The following SVIL variants were observed in gnomAD, a reference collection of about 807,000 sequenced individuals.
The protein encoded by SVIL is archvillin.
A neutral mutation model predicts 240.4 loss-of-function variants in SVIL; 101 were observed. That is an observed-to-expected ratio of 0.42 (90% CI 0.36 to 0.50). The LOEUF (loss-of-function observed/expected upper bound fraction) is 0.50. Among genes scored for constraint, SVIL ranks in the 20% least tolerant of loss-of-function variants. SVIL has a pLI of 0.01. For synonymous variants in SVIL, 999 were observed against 1,100.0 expected (o/e 0.91, Z 1.82); for missense variants, 2,512 against 2,818.7 (o/e 0.89, Z 2.46).
At chr10:29,729,117 T>G (rs7087872) in intron 1 of SVIL, among the ~76,000 whole-genome samples, 46,775 of 151,856 alleles carry the variant, frequency 0.31, 7,619 homozygotes, top group Middle Eastern at 0.48. Flanking sequence ...GAGGTCCCCC[T>G]CCCCAACTAA....
chr10:29,660,022 CA>C (rs1316091866), intron 2 of SVIL, among the ~76,000 whole-genome samples: 1 of 151,996 alleles, frequency 6.6e-6, no homozygotes, highest in Non-Finnish European at 1.5e-5. Flanking sequence ...GAAAACTACT[CA>C]AAAAGAAAAC....
chr10:29,581,283 C>T (rs2132764012), intron 1 of SVIL, among the ~76,000 whole-genome samples: 1 of 152,306 alleles, frequency 6.6e-6, no homozygotes, highest in African/African-American at 2.4e-5. Flanking sequence ...CTAGGGAAAG[C>T]CCACTTAGGC....
At chr10:29,731,087 A>G (rs1256843694) in intron 1 of SVIL, among the ~76,000 whole-genome samples, 1 of 152,230 alleles carries the variant, frequency 6.6e-6, no homozygotes, top group Non-Finnish European at 1.5e-5. Flanking sequence ...TGGCACATCA[A>G]CTTGCTACTC....
chr10:29,561,650 C>T (rs1954485771), intron 3 of SVIL, among the ~76,000 whole-genome samples: 1 of 151,928 alleles, frequency 6.6e-6, no homozygotes, highest in Non-Finnish European at 1.5e-5. Context: ...ATCTGACAGC[C>T]GTTCCATGCC....
chr10:29,663,554 C>T (rs1959181754), intron 2 of SVIL, among the ~76,000 whole-genome samples: 1 of 152,166 alleles, frequency 6.6e-6, no homozygotes, highest in South Asian at 2.1e-4. Context: ...CGGGGTTTCA[C>T]CATGTTGGCC....
At chr10:29,493,688 A>G (rs548449675) in intron 20 of SVIL, among the ~76,000 whole-genome samples, 69 of 152,020 alleles carry the variant, frequency 4.5e-4, no homozygotes, top group Non-Finnish European at 9.1e-4. Flanking sequence ...TAGGTGAACC[A>G]GCCTCAGCCT....
At chr10:29,489,624 T>G (rs1358027440) in intron 22 of SVIL, among the ~76,000 whole-genome samples, 1 of 152,190 alleles carries the variant, frequency 6.6e-6, no homozygotes, top group Non-Finnish European at 1.5e-5. Flanking sequence ...CATGGCTCAC[T>G]GCAGCCTTGA....
chr10:29,459,540 C>T (rs1224686719), intron 36 of SVIL, among the ~76,000 whole-genome samples: 1 of 152,156 alleles, frequency 6.6e-6, no homozygotes, highest in Admixed American at 6.5e-5. Flanking sequence ...CCCTTCCCTC[C>T]CCTGGCCCCA....
intron 3 of SVIL, among the ~76,000 whole-genome samples, chr10:29,641,758 T>C (rs1022097884): frequency 1.3e-5 from 2 of 152,156 alleles, no homozygotes; most frequent in Admixed American, 1.3e-4. Flanking sequence ...GACTAAGACC[T>C]GCAGTGACTT....
chr10:29,544,754 T>TAAAAA (rs373279682), intron 6 of SVIL, among the ~76,000 whole-genome samples: 17 of 70,298 alleles, frequency 2.4e-4, no homozygotes, highest in East Asian at 4.5e-4. Flanking sequence ...AGACCTTTTC[T>TAAAAA]AAAAAAAAAA....
At chr10:29,733,817 G>A (rs977057405) in intron 1 of SVIL, among the ~76,000 whole-genome samples, 2 of 152,156 alleles carry the variant, frequency 1.3e-5, no homozygotes, top group African/African-American at 2.4e-5. Flanking sequence ...TTTCTTGAAG[G>A]CAATACATTT....
chr10:29,514,620 G>A (rs7910598), intron 16 of SVIL, among the ~76,000 whole-genome samples: 66,450 of 151,938 alleles, frequency 0.44, 15,195 homozygotes, highest in African/African-American at 0.55. Flanking sequence ...GGCCTCAAGC[G>A]ATCCCCTGCC....
intron 2 of SVIL, among the ~76,000 whole-genome samples, chr10:29,676,477 C>T (rs1960214779): frequency 6.6e-6 from 1 of 152,168 alleles, no homozygotes; most frequent in Non-Finnish European, 1.5e-5. Context: ...CCAGCTTACC[C>T]CCAATGCAGA....
At chr10:29,469,601 C>T (rs754828502) in intron 32 of SVIL, among the ~76,000 whole-genome samples, 2 of 152,204 alleles carry the variant, frequency 1.3e-5, no homozygotes, top group Non-Finnish European at 2.9e-5. Context: ...CCGGGGGGGC[C>T]GGCCACCACA....
At position 29,644,067 on chromosome 10, in the gene SVIL, A is replaced by G. The variant is rs1958578574; in HGVS notation, c.-201+13902T>C. The G allele has an allele frequency of 7.9e-6, 4 of 508,064 alleles. No homozygotes were observed. In the Admixed American group the frequency reaches 8.0e-5, roughly 10 times the overall value. 31.5% of individuals were successfully genotyped at this position (508,064 alleles called of 1,614,324 possible). The stretch of plus-strand genomic sequence containing the variant: ...TGACATGCTCCGTTTGGGCCACTAG[A>G]TATCTAAAAATATGGGATTTCTGTC... On this transcript the variant is annotated intron_variant, in intron 3 of 35. Transcript: ENST00000375400.
intron 2 of SVIL, among the ~76,000 whole-genome samples, chr10:29,660,559 G>A (rs1476510758): frequency 6.6e-6 from 1 of 152,164 alleles, no homozygotes; most frequent in African/African-American, 2.4e-5. Context: ...AGTGAGCCAT[G>A]GTCTCACCAC....
intron 3 of SVIL, among the ~76,000 whole-genome samples, chr10:29,655,356 A>G (rs953962741): frequency 3.3e-5 from 5 of 152,290 alleles, no homozygotes; most frequent in Admixed American, 6.5e-5. Flanking sequence ...CCCAGAGTCT[A>G]AAGGCCGAAG....
intron 1 of SVIL, among the ~76,000 whole-genome samples, chr10:29,613,549 G>C (rs1238123211): frequency 1.3e-5 from 2 of 151,890 alleles, no homozygotes; most frequent in Admixed American, 1.3e-4. Context: ...TGTTGCCAGG[G>C]CTTGTCTTGA....
intron 22 of SVIL, among the ~76,000 whole-genome samples, 160 bp downstream of exon 22, chr10:29,490,687 G>T (rs1947872603): frequency 6.6e-6 from 1 of 151,930 alleles, no homozygotes; most frequent in Non-Finnish European, 1.5e-5. Flanking sequence ...TTAAAGTCTA[G>T]GTGCGTGCAC....
Sources: gnomAD v4.1 joint callset for allele counts (sites outside exome capture counted in the v4.1 genomes callset) on GRCh38, gnomAD v4.1.1 for gene constraint, MANE v1.5 for transcripts, NCBI Gene and HGNC (gene_info 2026-07-23, HGNC 2026-07-21) for gene names.